Variants in DNAH9 observed in about 807,000 individuals in gnomAD.
The protein encoded by DNAH9 is dynein axonemal heavy chain 9.
In DNAH9, 345 loss-of-function variants were observed where a neutral mutation model predicts 471.6. The observed-to-expected ratio is 0.73, with a 90% CI of 0.67 to 0.80. DNAH9 has a LOEUF of 0.80. DNAH9 is among the 30% of genes least tolerant of loss of function. The pLI is 0.00. For synonymous variants in DNAH9, 2,093 were observed against 2,123.6 expected (o/e 0.99, Z 0.40); for missense variants, 5,407 against 5,609.2 (o/e 0.96, Z 1.15).
intron 62 of DNAH9, 39 bp downstream of exon 62, chr17:11,923,980 T>TACTTGCCTCATCCCAC (rs765942731): frequency 9.4e-6 from 15 of 1,603,386 alleles, no homozygotes; most frequent in Non-Finnish European, 1.2e-5. Context: ...TCTTGACCCA[T>TACTTGCCTCATCCCAC]ACTTGCCTCA....
intron 61 of DNAH9, among the ~76,000 whole-genome samples, chr17:11,914,277 C>G (rs2151021805): frequency 6.6e-6 from 1 of 152,244 alleles, no homozygotes; most frequent in Non-Finnish European, 1.5e-5. Flanking sequence ...AAATGCTTCA[C>G]TTATCATTGT....
rs375616408 is a variant in DNAH9 at position 11,834,926 on chromosome 17, C to T, written c.9507+28C>T. On this transcript the variant is annotated intron_variant, in intron 49 of 68. Coordinates refer to ENST00000262442, the MANE Select transcript of DNAH9 (RefSeq NM_001372.4). ...AGGAGGACTGTCTGCCATACCTGCTCATCCCTCAGGGGCTGGTAGACGCAG... is the reference window on the plus strand; with the variant it reads ...AGGAGGACTGTCTGCCATACCTGCTTATCCCTCAGGGGCTGGTAGACGCAG... 339 of 1,606,178 alleles carry T rather than the reference C, an allele frequency of 2.1e-4. 3 individuals are homozygous for T. The highest frequency in any genetic ancestry group is 1.9e-3 in the Middle Eastern group (9 of 4,722).
chr17:11,733,860 CAAAAAAAA>C (rs57515310), intron 28 of DNAH9, among the ~76,000 whole-genome samples: 2 of 113,154 alleles, frequency 1.8e-5, no homozygotes, highest in African/African-American at 7.4e-5. Flanking sequence ...GACTCCATCT[CAAAAAAAA>C]AAAAAAAAAA....
intron 19 of DNAH9, among the ~76,000 whole-genome samples, chr17:11,687,444 T>A (rs1428757347): frequency 6.6e-6 from 1 of 152,198 alleles, no homozygotes; most frequent in Non-Finnish European, 1.5e-5. Flanking sequence ...GTCAAATATT[T>A]CTAAAGTCAA....
At chr17:11,902,064 G>T (rs147275174) in intron 59 of DNAH9, among the ~76,000 whole-genome samples, 4 of 152,226 alleles carry the variant, frequency 2.6e-5, no homozygotes, top group Non-Finnish European at 5.9e-5. Context: ...GATGGTGGAA[G>T]TAGTATGAAC....
intron 43 of DNAH9, 96 bp downstream of exon 43, chr17:11,797,889 G>A: frequency 7.8e-7 from 1 of 1,276,232 alleles, no homozygotes; most frequent in Non-Finnish European, 1.1e-6. Context: ...CGTAAAGCCA[G>A]GTAAGGAGCT....
In DNAH9 at chr17:11,636,744, G is replaced by A. The variant is rs1289915313; in HGVS notation, c.1746G>A (p.Arg582=). Residue 582 remains arginine, a synonymous_variant, in exon 9 of 69, where the codon AGG becomes AGA. Transcript: ENST00000262442. ...QMFNKDLDAV[R]MIYSQHVQEE... The stretch of plus-strand genomic sequence containing the variant: ...TCAACAAAGATCTGGATGCAGTGAG[G>A]ATGATCTACAGTCAGCACGTCCAGG... 6.2e-7 allele frequency: 1 copy of A among 1,614,132 alleles called. No individual in the cohort carries two copies. Among genetic ancestry groups the A allele is most frequent in the East Asian group, 2.2e-5 (1 of 44,884 alleles).
At chr17:11,875,885 G>A (rs1224474052) in intron 53 of DNAH9, 1 of 152,146 alleles carries the variant, frequency 6.6e-6, no homozygotes, top group Non-Finnish European at 1.5e-5. Flanking sequence ...GGACACCTGG[G>A]GAAACAGGAT....
intron 20 of DNAH9, 89 bp from the exon 21 acceptor site, chr17:11,693,779 C>A: frequency 1.4e-6 from 2 of 1,406,756 alleles, no homozygotes; most frequent in Non-Finnish European, 2.0e-6. Context: ...AACCCAGGAA[C>A]AAGTTTCTGC....
At chr17:11,639,088 C>T (rs1022486539) in intron 9 of DNAH9, among the ~76,000 whole-genome samples, 20 of 152,208 alleles carry the variant, frequency 1.3e-4, no homozygotes, top group African/African-American at 4.8e-4. Flanking sequence ...ACCCAGGGTC[C>T]TCTTCCTCCT....
intron 41 of DNAH9, among the ~76,000 whole-genome samples, chr17:11,785,429 A>C (rs1968832078): frequency 6.6e-6 from 1 of 152,162 alleles, no homozygotes; most frequent in Non-Finnish European, 1.5e-5. Context: ...AATTTCTCAG[A>C]GCAATTATGC....
At chr17:11,747,808 C>CAA in intron 32 of DNAH9, 42 bp downstream of exon 32, 4 of 1,565,100 alleles carry the variant, frequency 2.6e-6, no homozygotes, top group Non-Finnish European at 3.5e-6. Flanking sequence ...CTGCTAGCCT[C>CAA]AGAGTCCCTG....
At chr17:11,906,038 G>A (rs889979931) in intron 61 of DNAH9, among the ~76,000 whole-genome samples, 1 of 152,110 alleles carries the variant, frequency 6.6e-6, no homozygotes, top group African/African-American at 2.4e-5. Flanking sequence ...TTCATGAGGA[G>A]GCCTCGTCCC....
At position 11,762,770 on chromosome 17, in the gene DNAH9, G is replaced by GTTGTTGTTT. The variant is rs1967746481; in HGVS notation, c.6996-668_6996-667insGTTGTTTTT. Among the ~76,000 whole-genome samples, 70 of 90,778 alleles carry GTTGTTGTTT rather than the reference G, an allele frequency of 7.7e-4. 2 individuals carry two copies. The highest frequency in any genetic ancestry group is 7.1e-3 in the Middle Eastern group (1 of 140). 59.6% of individuals were successfully genotyped at this position (90,778 alleles called of 152,430 possible). A position where few individuals can be genotyped will look rare whatever the true frequency, so the allele number is the denominator to read the frequency against. On this transcript the variant is annotated intron_variant, in intron 35 of 68. Transcript: ENST00000262442. ...CCTCTTTAGGTGCGTTTTTTTTTTT[G>GTTGTTGTTT]TTTTTTTTTTTTTTTTTTTTTTTTT... is the stretch of plus-strand genomic sequence containing the variant.
intron 61 of DNAH9, among the ~76,000 whole-genome samples, chr17:11,909,504 C>G (rs1973718526): frequency 6.6e-6 from 1 of 152,178 alleles, no homozygotes; most frequent in Admixed American, 6.5e-5. Flanking sequence ...AATAAAGACC[C>G]TGGCCTACGA....
At chr17:11,934,740 C>T (rs1196261969) in intron 65 of DNAH9, among the ~76,000 whole-genome samples, 1 of 151,836 alleles carries the variant, frequency 6.6e-6, no homozygotes, top group East Asian at 2.0e-4. Flanking sequence ...GCGTGAGCCG[C>T]CGCGCCTGGC....
intron 26 of DNAH9, among the ~76,000 whole-genome samples, chr17:11,716,977 A>G (rs534767574): frequency 6.6e-6 from 1 of 152,242 alleles, no homozygotes; most frequent in Non-Finnish European, 1.5e-5. Flanking sequence ...TCAAGAGCCC[A>G]GGAGGGCAGG....
chr17:11,868,092 G>A (rs914160792), intron 50 of DNAH9, among the ~76,000 whole-genome samples: 1 of 152,164 alleles, frequency 6.6e-6, no homozygotes, highest in Non-Finnish European at 1.5e-5. Flanking sequence ...CCATAAATCT[G>A]TTGGACTCCC....
chr17:11,822,940 A>G lies in DNAH9; in HGVS notation c.9152A>G (p.Tyr3051Cys). ...TCCTTTCTGGAGTTCATCAGACTCT[A>G]CCAGAGCTTGTTGCACAGGCACAGA... ...PKSFLEFIRL[Y>C]QSLLHRHRKE... is the part of the protein sequence containing the mutation. The change falls in exon 48 of 69, where the codon TAC becomes TGC. Residue 3051 changes from tyrosine to cysteine, a missense_variant. Around this residue, in one of 3 missense-constraint regions of DNAH9, gnomAD observed 4,636 missense variants for 4,900.3 expected, o/e 0.95. Transcript: ENST00000262442. 6.2e-7 allele frequency: 1 copy of G among 1,614,204 alleles called. No individual in the cohort carries two copies. The highest frequency in any genetic ancestry group is 8.5e-7 in the Non-Finnish European group (1 of 1,180,032).
Sources: gnomAD v4.1 joint callset for allele counts (sites outside exome capture counted in the v4.1 genomes callset) on GRCh38, gnomAD v4.1.1 for gene constraint, gnomAD v4.1.1 regional missense constraint, MANE v1.5 for transcripts, NCBI Gene and HGNC (gene_info 2026-07-23, HGNC 2026-07-21) for gene names.